QKI: variants seen among roughly 807,000 people sequenced by gnomAD.
QKI encodes QKI, KH domain containing RNA binding.
QKI carries 10 observed loss-of-function variants against 39.0 expected under a neutral mutation model. The ratio of observed to expected loss-of-function variants is 0.26; its 90% CI spans 0.16 to 0.43. QKI has a LOEUF of 0.43. QKI is among the 20% of genes least tolerant of loss of function. The pLI is 1.00. For missense variants in QKI, 218 were observed against 428.0 expected (o/e 0.51, Z 4.33); for synonymous variants, 204 against 155.4 (o/e 1.31, Z -2.33).
intron 3 of QKI, among the ~76,000 whole-genome samples, chr6:163,514,236 TAAG>T (rs1026172675): frequency 6.6e-6 from 1 of 152,098 alleles, no homozygotes; most frequent in Non-Finnish European, 1.5e-5. Context: ...AAATACTTTT[TAAG>T]AAATGTCTTA....
intron 2 of QKI, among the ~76,000 whole-genome samples, chr6:163,476,080 G>A (rs1330354241): frequency 1.3e-5 from 2 of 151,772 alleles, no homozygotes; most frequent in African/African-American, 4.8e-5. Flanking sequence ...CAACAAATGT[G>A]AAAAAAATGC....
At chr6:163,477,278 A>G (rs1315642517) in intron 2 of QKI, among the ~76,000 whole-genome samples, 1 of 152,018 alleles carries the variant, frequency 6.6e-6, no homozygotes, top group Non-Finnish European at 1.5e-5. Context: ...TGGCCTCCCA[A>G]AGTGTTGGGA....
At chr6:163,475,562 C>T (rs1029272391) in intron 2 of QKI, among the ~76,000 whole-genome samples, 1 of 152,038 alleles carries the variant, frequency 6.6e-6, no homozygotes, top group Non-Finnish European at 1.5e-5. Flanking sequence ...CCCCAGATAC[C>T]AAGGGACGAT....
chr6:163,462,106 T>C (rs1448055723), intron 2 of QKI, among the ~76,000 whole-genome samples: 2 of 152,080 alleles, frequency 1.3e-5, no homozygotes, highest in East Asian at 1.9e-4. Context: ...AAAATACATA[T>C]ATATTTAAGT....
chr6:163,443,450 C>G (rs1355061655), intron 1 of QKI, among the ~76,000 whole-genome samples: 1 of 152,172 alleles, frequency 6.6e-6, no homozygotes, highest in Non-Finnish European at 1.5e-5. Context: ...TGCCTGTATT[C>G]CCAGCTACTT....
At chr6:163,419,843 CTT>C (rs1787847658) in intron 1 of QKI, among the ~76,000 whole-genome samples, 1 of 152,158 alleles carries the variant, frequency 6.6e-6, no homozygotes, top group South Asian at 2.1e-4. Flanking sequence ...GGGATGAACA[CTT>C]TTTCTTAAAT....
chr6:163,423,311 T>A (rs1473282232), intron 1 of QKI: 3 of 152,240 alleles, frequency 2.0e-5, no homozygotes, highest in Non-Finnish European at 2.9e-5. Context: ...ATTTGGAACC[T>A]TTTTTGTAAA....
intron 4 of QKI, among the ~76,000 whole-genome samples, chr6:163,556,040 G>A (rs1782579379): frequency 6.6e-6 from 1 of 152,096 alleles, no homozygotes; most frequent in Non-Finnish European, 1.5e-5. Context: ...TTGTGGCTTT[G>A]GATAAGCTGC....
chr6:163,560,618 T>A (rs1782934208), intron 4 of QKI, among the ~76,000 whole-genome samples: 1 of 152,190 alleles, frequency 6.6e-6, no homozygotes, highest in Non-Finnish European at 1.5e-5. Flanking sequence ...TGACTTAAGA[T>A]GTTACTTACA....
intron 2 of QKI, among the ~76,000 whole-genome samples, chr6:163,458,575 C>G (rs1791111065): frequency 6.6e-6 from 1 of 152,138 alleles, no homozygotes; most frequent in South Asian, 2.1e-4. Flanking sequence ...ACCTTACTTA[C>G]AGAAGTCAGT....
intron 3 of QKI, among the ~76,000 whole-genome samples, chr6:163,483,821 A>G (rs763951417): frequency 1.3e-5 from 2 of 152,230 alleles, no homozygotes; most frequent in Non-Finnish European, 2.9e-5. Flanking sequence ...GGCATTGAGA[A>G]TGGTGATTCC....
chr6:163,424,964 C>T lies in QKI; in HGVS notation c.142+9629C>T, dbSNP rs115888270. On this transcript the variant is annotated intron_variant, in intron 1 of 7. Coordinates refer to ENST00000361752, the MANE Select transcript of QKI (RefSeq NM_006775.3). ...CTGCTTTCTATCAACATTTTAAAAT[C>T]GCTTATGATAGGATAAACAATTAAA... 4.9e-3 allele frequency among the ~76,000 whole-genome samples: 739 copies of T among 152,138 alleles called. 7 individuals are homozygous for T. Among genetic ancestry groups the T allele is most frequent in the African/African-American group, 0.017 (700 of 41,496 alleles).
chr6:163,429,253 TA>T (rs138513451), intron 1 of QKI, among the ~76,000 whole-genome samples: 1 of 152,258 alleles, frequency 6.6e-6, no homozygotes, highest in African/African-American at 2.4e-5. Flanking sequence ...TCAGAAGAAA[TA>T]TTCCTTATTG....
intron 1 of QKI, among the ~76,000 whole-genome samples, chr6:163,447,570 T>C (rs1790248476): frequency 6.6e-6 from 1 of 152,172 alleles, no homozygotes; most frequent in Admixed American, 6.5e-5. Flanking sequence ...AGCTAACTTT[T>C]GTAGCTTCCC....
At chr6:163,557,633 C>T (rs1165996563) in intron 4 of QKI, among the ~76,000 whole-genome samples, 1 of 152,042 alleles carries the variant, frequency 6.6e-6, no homozygotes, top group Non-Finnish European at 1.5e-5. Context: ...AGGGTGACTA[C>T]AGTCAACAAT....
intron 2 of QKI, among the ~76,000 whole-genome samples, chr6:163,469,334 A>G (rs1421599358): frequency 1.3e-5 from 2 of 152,106 alleles, no homozygotes; most frequent in Non-Finnish European, 1.5e-5. Context: ...CCAATTACAT[A>G]TTAGTGATTT....
chr6:163,574,785 C>CA lies in QKI; in HGVS notation c.*4076dup, dbSNP rs1783891853. The CA allele has an allele frequency of 6.6e-6, 1 of 152,094 alleles. No homozygotes were observed. The highest frequency in any genetic ancestry group is 6.6e-5 in the Admixed American group (1 of 15,266). 9.4% of individuals were successfully genotyped at this position (152,094 alleles called of 1,614,324 possible). A position where few individuals can be genotyped will look rare whatever the true frequency, so the allele number is the denominator to read the frequency against. ...CAGTTCTCCTAGATACCAAAATCCT[C>CA]AGGATGAATTTTTGCATTTGTAAAT... On this transcript the variant is annotated 3_prime_UTR_variant, in exon 8 of 8. Transcript: ENST00000361752.
chr6:163,555,509 CAAA>C (rs55958646), intron 4 of QKI, among the ~76,000 whole-genome samples: 9 of 79,386 alleles, frequency 1.1e-4, no homozygotes, highest in African/African-American at 2.6e-4. Context: ...AACTCCAGCT[CAAA>C]AAAAAAAAAA....
intron 3 of QKI, among the ~76,000 whole-genome samples, chr6:163,510,025 G>A (rs1235114136): frequency 1.3e-5 from 2 of 151,780 alleles, no homozygotes; most frequent in Non-Finnish European, 2.9e-5. Context: ...AACCAGTCTG[G>A]GCAATATGTT....
Sources: allele counts gnomAD v4.1 joint callset (sites outside exome capture counted in the v4.1 genomes callset), GRCh38; gene constraint gnomAD v4.1.1; transcripts MANE v1.5; gene names NCBI Gene and HGNC (gene_info 2026-07-23, HGNC 2026-07-21).